Variants in ATXN7 observed in about 807,000 individuals in gnomAD.
ATXN7 encodes ataxin 7, also known as ataxin-7.
In ATXN7, 12 loss-of-function variants were observed where a neutral mutation model predicts 70.5. That is an observed-to-expected ratio of 0.17 (90% CI 0.11 to 0.28). The LOEUF is 0.28. Among genes scored for constraint, ATXN7 ranks in the 10% least tolerant of loss-of-function variants. ATXN7 has a pLI of 1.00. For synonymous variants in ATXN7, 498 were observed against 448.7 expected (o/e 1.11, Z -1.39); for missense variants, 1,256 against 1,131.7 (o/e 1.11, Z -1.58).
chr3:63,993,167 C>T (rs150126315), intron 11 of ATXN7, among the ~76,000 whole-genome samples: 24 of 152,180 alleles, frequency 1.6e-4, no homozygotes, highest in Middle Eastern at 6.8e-3. Flanking sequence ...AGGCCACTGC[C>T]CACCTTCTAT....
chr3:63,872,286 T>C (rs1702620287), intron 1 of ATXN7, among the ~76,000 whole-genome samples: 1 of 152,256 alleles, frequency 6.6e-6, no homozygotes, highest in South Asian at 2.1e-4. Context: ...TAACAACCCA[T>C]TCCAAAAGTT....
At chr3:63,975,754 C>G (rs1575974962) in intron 5 of ATXN7, among the ~76,000 whole-genome samples, 1 of 152,246 alleles carries the variant, frequency 6.6e-6, no homozygotes, top group East Asian at 1.9e-4. Context: ...GAGCTGTCCA[C>G]CCTCCTACAC....
chr3:63,901,388 C>T (rs975212855), intron 2 of ATXN7: 7 of 152,206 alleles, frequency 4.6e-5, no homozygotes, highest in Non-Finnish European at 8.8e-5. Flanking sequence ...AAATTTTGTA[C>T]CTTTTGACTA....
chr3:63,946,134 T>C (rs1008717189), intron 4 of ATXN7, among the ~76,000 whole-genome samples: 4 of 152,222 alleles, frequency 2.6e-5, no homozygotes, highest in African/African-American at 9.6e-5. Context: ...GCAAAGAGTC[T>C]GCTGTCCAGA....
intron 5 of ATXN7, among the ~76,000 whole-genome samples, chr3:63,967,409 CT>C (rs1478001173): frequency 6.6e-6 from 1 of 151,880 alleles, no homozygotes; most frequent in African/African-American, 2.4e-5. Context: ...AGCTTAGCAA[CT>C]GTAGATAGTA....
chr3:63,976,607 A>C (rs2075392407), intron 5 of ATXN7, among the ~76,000 whole-genome samples: 1 of 152,220 alleles, frequency 6.6e-6, no homozygotes, highest in African/African-American at 2.4e-5. Context: ...TTCCATATTA[A>C]GAGTTAATAG....
At position 63,912,620 on chromosome 3, in the gene ATXN7, G is replaced by A. The variant is rs1704074722; in HGVS notation, c.22G>A (p.Asp8Asn). The A allele has an allele frequency of 1.9e-6, 2 of 1,065,032 alleles. No individual in the cohort carries two copies. The highest frequency in any genetic ancestry group is 1.1e-6 in the Non-Finnish European group (1 of 870,624). 66.0% of individuals were successfully genotyped at this position (1,065,032 alleles called of 1,614,324 possible). MSERAADDVRGEPRRAAA... is the reference protein window; with the variant it reads MSERAADNVRGEPRRAAA... ...AAGAATGTCGGAGCGGGCCGCGGATGACGTCAGGGGGGAGCCGCGCCGCGC... is the reference window on the plus strand; with the variant it reads ...AAGAATGTCGGAGCGGGCCGCGGATAACGTCAGGGGGGAGCCGCGCCGCGC... The change falls in exon 3 of 13, where the codon GAC (aspartate) becomes AAC (asparagine). Residue 8 changes from aspartate to asparagine, a missense_variant. Physicochemically the swap from Asp to Asn is conservative, Grantham distance 23. Transcript: ENST00000674280.
chr3:63,983,188 T>C (rs1302292731), intron 8 of ATXN7, among the ~76,000 whole-genome samples, 167 bp downstream of exon 8: 3 of 152,228 alleles, frequency 2.0e-5, no homozygotes, highest in African/African-American at 7.2e-5. Context: ...AGCCTCAGAT[T>C]GACAAAATGT....
At chr3:63,918,384 G>A (rs779860924) in intron 4 of ATXN7, among the ~76,000 whole-genome samples, 1 of 152,146 alleles carries the variant, frequency 6.6e-6, no homozygotes, top group African/African-American at 2.4e-5. Context: ...CCCTTAAATA[G>A]CATTTCTGTT....
At chr3:63,929,237 G>T (rs1704837805) in intron 4 of ATXN7, among the ~76,000 whole-genome samples, 1 of 150,398 alleles carries the variant, frequency 6.6e-6, no homozygotes, top group African/African-American at 2.4e-5. Context: ...GTAATCCAAA[G>T]ATTATCTAGG....
chr3:63,997,619 A>G, intron 12 of ATXN7: 1 of 1,551,138 alleles, frequency 6.4e-7, no homozygotes. Context: ...TTTATTCATC[A>G]GGATATCTCC....
At chr3:63,864,353 C>A (rs1416770535) in intron 1 of ATXN7, 195 bp downstream of exon 1, 1 of 152,144 alleles carries the variant, frequency 6.6e-6, no homozygotes, top group East Asian at 2.0e-4. Flanking sequence ...CCGGCTGAGC[C>A]CAGGAGAGGC....
At chr3:63,948,272 G>A (rs2074897043) in intron 4 of ATXN7, among the ~76,000 whole-genome samples, 1 of 152,142 alleles carries the variant, frequency 6.6e-6, no homozygotes, top group Non-Finnish European at 1.5e-5. Flanking sequence ...GGTGACACCT[G>A]GGCTTTTAGT....
intron 11 of ATXN7, 93 bp from the exon 12 acceptor site, chr3:63,995,412 T>C: frequency 7.1e-7 from 1 of 1,404,792 alleles, no homozygotes; most frequent in Non-Finnish European, 9.9e-7. Flanking sequence ...GTGGATGGTT[T>C]CTCTTTGTCA....
intron 4 of ATXN7, among the ~76,000 whole-genome samples, chr3:63,945,685 A>G (rs938497233): frequency 1.3e-5 from 2 of 152,228 alleles, no homozygotes; most frequent in African/African-American, 4.8e-5. Flanking sequence ...GCAGTCAACA[A>G]GATAGATATG....
intron 11 of ATXN7, among the ~76,000 whole-genome samples, chr3:63,994,360 A>G (rs1436790325): frequency 6.6e-6 from 1 of 151,968 alleles, no homozygotes; most frequent in African/African-American, 2.4e-5. Flanking sequence ...TCAGCCTTCT[A>G]AGTAGCTGGG....
At chr3:63,895,555 TG>T (rs933303009) in intron 1 of ATXN7, among the ~76,000 whole-genome samples, 11 of 131,348 alleles carry the variant, frequency 8.4e-5, no homozygotes, top group Admixed American at 8.6e-5. Flanking sequence ...CATTAAAAGG[TG>T]GGGGCGGGGG....
intron 1 of ATXN7, chr3:63,878,514 C>G (rs1702810581): frequency 6.6e-6 from 1 of 152,242 alleles, no homozygotes; most frequent in Admixed American, 6.5e-5. Context: ...GTGATAACTG[C>G]TCACATGCAA....
chr3:63,989,407 G>T (rs547449496), intron 9 of ATXN7, among the ~76,000 whole-genome samples: 181 of 152,268 alleles, frequency 1.2e-3, no homozygotes, highest in African/African-American at 3.1e-3. Flanking sequence ...CCTTATTCTT[G>T]TATCACCTCC....
Sources: gnomAD v4.1 joint callset for allele counts (sites outside exome capture counted in the v4.1 genomes callset) on GRCh38, gnomAD v4.1.1 for gene constraint, MANE v1.5 for transcripts, NCBI Gene and HGNC (gene_info 2026-07-23, HGNC 2026-07-21) for gene names.